Variants in PRMT3 observed in about 807,000 individuals in gnomAD.
PRMT3 encodes protein arginine methyltransferase 3, also known as protein arginine N-methyltransferase 3.
In PRMT3, 62 loss-of-function variants were observed where a neutral mutation model predicts 71.9. That is an observed-to-expected ratio of 0.86 (90% CI 0.70 to 1.07). The LOEUF is 1.07. Ranked by LOEUF, PRMT3 falls within the 50% of genes least tolerant of loss-of-function variation. The pLI is 0.00. For synonymous variants in PRMT3, 213 were observed against 220.4 expected (o/e 0.97, Z 0.30); for missense variants, 663 against 643.0 (o/e 1.03, Z -0.34).
At chr11:20,493,010 G>T (rs1042988106) in intron 13 of PRMT3, among the ~76,000 whole-genome samples, 8 of 152,132 alleles carry the variant, frequency 5.3e-5, no homozygotes, top group African/African-American at 1.9e-4. Flanking sequence ...AGCCAGGTGT[G>T]GTGGCGCACG....
intron 11 of PRMT3, 100 bp downstream of exon 11, chr11:20,452,308 C>A: frequency 2.3e-6 from 2 of 886,952 alleles, no homozygotes; most frequent in South Asian, 1.5e-5. Context: ...AGGAAGTTCC[C>A]GATAGGGTTG....
intron 9 of PRMT3, among the ~76,000 whole-genome samples, chr11:20,426,392 C>G (rs747953945): frequency 3.9e-5 from 6 of 152,164 alleles, no homozygotes; most frequent in Non-Finnish European, 7.3e-5. Context: ...TTCAAATTCT[C>G]TCACCCCTAT....
chr11:20,393,151 T>C, intron 5 of PRMT3, 152 bp downstream of exon 5: 1 of 613,710 alleles, frequency 1.6e-6, no homozygotes, highest in Non-Finnish European at 2.9e-6. Context: ...GTTAAGTTGC[T>C]TAAAAACTAA....
At chr11:20,491,960 TACTG>T (rs1851218725) in intron 13 of PRMT3, among the ~76,000 whole-genome samples, 1 of 152,204 alleles carries the variant, frequency 6.6e-6, no homozygotes, top group Non-Finnish European at 1.5e-5. Context: ...TAATAAAGTA[TACTG>T]ACTATGTAAT....
At chr11:20,480,347 T>A (rs1347474400) in intron 13 of PRMT3, among the ~76,000 whole-genome samples, 1 of 152,190 alleles carries the variant, frequency 6.6e-6, no homozygotes, top group South Asian at 2.1e-4. Context: ...TTGCGTTAGC[T>A]AGATATCTGT....
At chr11:20,507,842 C>A (rs944739725) in intron 15 of PRMT3, among the ~76,000 whole-genome samples, 2 of 151,046 alleles carry the variant, frequency 1.3e-5, no homozygotes, top group East Asian at 3.9e-4. Context: ...CACAATGGCT[C>A]ATTCCTGTAT....
At chr11:20,416,462 C>CTT (rs1161594641) in intron 9 of PRMT3, among the ~76,000 whole-genome samples, 1 of 151,900 alleles carries the variant, frequency 6.6e-6, no homozygotes, top group African/African-American at 2.4e-5. Flanking sequence ...TTTTTTCATT[C>CTT]TTTAATGTGT....
chr11:20,488,515 A>G (rs1851133134), intron 13 of PRMT3, among the ~76,000 whole-genome samples: 1 of 152,198 alleles, frequency 6.6e-6, no homozygotes, highest in South Asian at 2.1e-4. Flanking sequence ...CTCTATCTCC[A>G]TGCTTGGATA....
intron 11 of PRMT3, among the ~76,000 whole-genome samples, chr11:20,458,280 T>TG (rs1318261018): frequency 1.3e-5 from 2 of 152,212 alleles, no homozygotes; most frequent in Non-Finnish European, 2.9e-5. Context: ...AAATTCCTAG[T>TG]GTTTACTAGA....
intron 9 of PRMT3, among the ~76,000 whole-genome samples, chr11:20,414,214 A>T (rs1302503942): frequency 6.6e-6 from 1 of 152,038 alleles, no homozygotes; most frequent in Admixed American, 6.6e-5. Context: ...CTCTACTAAC[A>T]ATTTTTATCT....
chr11:20,476,695 CAATA>C (rs1317537138), intron 13 of PRMT3, among the ~76,000 whole-genome samples: 3 of 152,154 alleles, frequency 2.0e-5, no homozygotes, highest in East Asian at 1.9e-4. Context: ...CATTTTTAGC[CAATA>C]AATATTTTTA....
chr11:20,473,092 C>G (rs551564039), intron 13 of PRMT3, among the ~76,000 whole-genome samples: 1 of 152,172 alleles, frequency 6.6e-6, no homozygotes, highest in South Asian at 2.1e-4. Context: ...GGTAATATTC[C>G]TTTACCATTC....
intron 8 of PRMT3, among the ~76,000 whole-genome samples, chr11:20,404,225 T>TG (rs1849018424): frequency 1.0e-5 from 1 of 97,260 alleles, no homozygotes; most frequent in Non-Finnish European, 2.1e-5. Context: ...TTTTTTTTTT[T>TG]TTTTTTTTTT....
Position 20,479,691 on chromosome 11 carries a change from C to A in PRMT3, c.1348-14228C>A, listed in dbSNP as rs1333176615. 9.2e-5 allele frequency among the ~76,000 whole-genome samples: 14 copies of A among 152,148 alleles called. No individual in the cohort carries two copies. The South Asian group carries it at 2.9e-3, about 32-fold the overall frequency. ...GATAGTATTTTTTTAAAGAATCTCA[C>A]AACAATAAGAAACGCCTAAGAGTGA... On this transcript the variant is annotated intron_variant, in intron 13 of 15. Transcript: ENST00000331079.
At chr11:20,464,994 A>C (rs1398550053) in intron 13 of PRMT3, among the ~76,000 whole-genome samples, 2 of 152,114 alleles carry the variant, frequency 1.3e-5, no homozygotes, top group Admixed American at 6.5e-5. Flanking sequence ...TCTAATAATA[A>C]TTTAATAGTC....
intron 13 of PRMT3, among the ~76,000 whole-genome samples, chr11:20,491,059 T>A (rs1851194697): frequency 6.6e-6 from 1 of 152,216 alleles, no homozygotes; most frequent in Non-Finnish European, 1.5e-5. Flanking sequence ...GCTGTCTTTT[T>A]CCCTTCTTCA....
At chr11:20,445,986 T>C (rs1850018594) in intron 10 of PRMT3, among the ~76,000 whole-genome samples, 1 of 152,158 alleles carries the variant, frequency 6.6e-6, no homozygotes, top group Non-Finnish European at 1.5e-5. Flanking sequence ...TAAATTTTAC[T>C]GTTGGTGGGC....
At position 20,493,904 on chromosome 11, in the gene PRMT3, T is replaced by C; in HGVS notation, c.1348-15T>C. ...TCATTTAGTAAGCATTTATATTTCT[T>C]TTTTTAAAAAACAGGCAATTGCTGG... On this transcript the variant is annotated splice_polypyrimidine_tract_variant and intron_variant, in intron 13 of 15. Coordinates refer to ENST00000331079, the MANE Select transcript of PRMT3 (RefSeq NM_005788.4). 1 of 1,541,734 alleles carries C rather than the reference T, an allele frequency of 6.5e-7. No individual in the cohort carries two copies.
At chr11:20,464,416 A>G (rs1179893748) in intron 12 of PRMT3, 44 bp from the exon 13 acceptor site, 3 of 1,438,626 alleles carry the variant, frequency 2.1e-6, no homozygotes, top group Admixed American at 2.6e-5. Context: ...TTTTTTTTGG[A>G]CTATTTTTAC....
Sources: allele counts gnomAD v4.1 joint callset (sites outside exome capture counted in the v4.1 genomes callset), GRCh38; gene constraint gnomAD v4.1.1; transcripts MANE v1.5; gene names NCBI Gene and HGNC (gene_info 2026-07-23, HGNC 2026-07-21).